The following RBFOX1 variants were observed in gnomAD, a reference collection of about 807,000 sequenced individuals.
RBFOX1 encodes the protein RNA binding fox-1 homolog 1, also known as RNA binding protein fox-1 homolog 1.
A neutral mutation model predicts 57.7 loss-of-function variants in RBFOX1; 8 were observed. The observed-to-expected ratio is 0.14, with a 90% CI of 0.08 to 0.25. The LOEUF (loss-of-function observed/expected upper bound fraction) is 0.25. Ranked by LOEUF, RBFOX1 falls within the 10% of genes least tolerant of loss-of-function variation. RBFOX1 has a pLI of 1.00. For synonymous variants in RBFOX1, 326 were observed against 222.4 expected, an observed-to-expected ratio of 1.47 and a Z score of -4.15; for missense variants, 611 against 548.5, an observed-to-expected ratio of 1.11 and a Z score of -1.14.
intron 4 of RBFOX1, among the ~76,000 whole-genome samples, chr16:7,186,885 C>T (rs1203118228): frequency 1.3e-5 from 2 of 148,274 alleles, no homozygotes; most frequent in African/African-American, 5.0e-5. Context: ...AGGCCAGGCA[C>T]AGTGGCTCAC....
At chr16:6,151,180 G>C (rs538603288) in intron 1 of RBFOX1, among the ~76,000 whole-genome samples, 5 of 152,308 alleles carry the variant, frequency 3.3e-5, no homozygotes, top group East Asian at 3.9e-4. Context: ...TAGAAGAGGA[G>C]GTGGACATCT....
chr16:7,027,237 G>A (rs954671502), intron 3 of RBFOX1, among the ~76,000 whole-genome samples: 4 of 152,074 alleles, frequency 2.6e-5, no homozygotes, highest in Admixed American at 1.3e-4. Context: ...ATAAATATTT[G>A]TTCAACTAAT....
chr16:6,269,677 A>G (rs1023014998), intron 1 of RBFOX1, among the ~76,000 whole-genome samples: 1 of 152,226 alleles, frequency 6.6e-6, no homozygotes, highest in Non-Finnish European at 1.5e-5. Flanking sequence ...AGACATTTTC[A>G]GATGAAGAAA....
chr16:5,623,896 G>A (rs948800800), intron 3 of RBFOX1, among the ~76,000 whole-genome samples: 4 of 152,136 alleles, frequency 2.6e-5, no homozygotes, highest in South Asian at 2.1e-4. Context: ...TAGAGCATAC[G>A]ATTCAGTGGT....
At chr16:6,892,829 T>TCTCTCTCTCTCTCTCTCTC (rs2065847556) in intron 3 of RBFOX1, among the ~76,000 whole-genome samples, 1 of 128,860 alleles carries the variant, frequency 7.8e-6, no homozygotes, top group African/African-American at 2.9e-5. Context: ...TCTCTCTCTA[T>TCTCTCTCTCTCTCTCTCTC]TCTGCTTCAG....
intron 4 of RBFOX1, among the ~76,000 whole-genome samples, chr16:7,146,367 AG>A (rs2074978944): frequency 2.0e-5 from 3 of 152,232 alleles, no homozygotes; most frequent in Non-Finnish European, 2.9e-5. Flanking sequence ...GCAAGGGCAG[AG>A]AAGAAATTGT....
chr16:6,096,567 C>T (rs930916577), intron 1 of RBFOX1, among the ~76,000 whole-genome samples: 2 of 152,124 alleles, frequency 1.3e-5, no homozygotes, highest in African/African-American at 4.8e-5. Context: ...CTATGATGGC[C>T]TTTGAGGAAA....
chr16:7,652,639 C>T (rs182264343), intron 11 of RBFOX1, among the ~76,000 whole-genome samples: 1 of 152,190 alleles, frequency 6.6e-6, no homozygotes, highest in Non-Finnish European at 1.5e-5. Context: ...AACTCCTGAC[C>T]TCATGATCCA....
chr16:7,108,234 C>T lies in RBFOX1; in HGVS notation c.27+56136C>T, dbSNP rs541922454. Among the ~76,000 whole-genome samples, 3 of 152,252 alleles carry T rather than the reference C, an allele frequency of 2.0e-5. No homozygotes were observed. In the South Asian group the frequency reaches 6.2e-4, roughly 32 times the overall value. On this transcript the variant is annotated intron_variant, in intron 4 of 15. Coordinates refer to ENST00000550418, the MANE Select transcript of RBFOX1 (RefSeq NM_018723.4). ...TGAGCATCAGCTCTGGAATCAGAAGCACTGGGGAGAAGGATTAATGGGGAA... is the reference window on the plus strand; with the variant it reads ...TGAGCATCAGCTCTGGAATCAGAAGTACTGGGGAGAAGGATTAATGGGGAA...
At position 6,888,904 on chromosome 16, in the gene RBFOX1, A is replaced by T. The variant is rs371136203; in HGVS notation, c.-15-163153A>T. Among the ~76,000 whole-genome samples, 7 of 152,238 alleles carry T rather than the reference A, an allele frequency of 4.6e-5. No homozygotes were observed. In the East Asian group the frequency reaches 9.7e-4, roughly 21 times the overall value. On this transcript the variant is annotated intron_variant, in intron 3 of 15. Transcript: ENST00000550418. ...AAAAAAGAATTATTTTAGCATCTGA[A>T]TTCATTCTCCTGCCAAGCAGATAGA...
intron 2 of RBFOX1, among the ~76,000 whole-genome samples, chr16:6,500,233 G>A (rs975672366): frequency 6.6e-6 from 1 of 151,984 alleles, no homozygotes; most frequent in Admixed American, 6.6e-5. Context: ...TTCCTAATTG[G>A]CAAAATACCT....
intron 1 of RBFOX1, among the ~76,000 whole-genome samples, chr16:6,119,534 C>G (rs947990803): frequency 6.6e-6 from 1 of 152,182 alleles, no homozygotes; most frequent in Non-Finnish European, 1.5e-5. Context: ...TTTCAATTTC[C>G]TCTCATGCCC....
At chr16:6,510,673 T>C (rs1017744182) in intron 2 of RBFOX1, among the ~76,000 whole-genome samples, 11 of 152,156 alleles carry the variant, frequency 7.2e-5, no homozygotes, top group Non-Finnish European at 1.3e-4. Context: ...ACACAGTTGG[T>C]TACTCTACTG....
chr16:5,506,153 T>C (rs2043370052), intron 2 of RBFOX1, among the ~76,000 whole-genome samples: 1 of 152,134 alleles, frequency 6.6e-6, no homozygotes, highest in African/African-American at 2.4e-5. Flanking sequence ...TTGAAATCAT[T>C]AATGTGCCTG....
chr16:7,228,286 C>T (rs1157275863), intron 4 of RBFOX1, among the ~76,000 whole-genome samples: 6 of 152,124 alleles, frequency 3.9e-5, no homozygotes, highest in African/African-American at 1.2e-4. Flanking sequence ...CTATATTCAT[C>T]CTCAAGGTAA....
At chr16:6,208,829 C>T (rs759325396) in intron 1 of RBFOX1, among the ~76,000 whole-genome samples, 15 of 152,132 alleles carry the variant, frequency 9.9e-5, no homozygotes, top group Admixed American at 6.5e-4. Flanking sequence ...CTTCTGTCTT[C>T]GCATGAGGTA....
At chr16:6,945,530 T>C (rs2079333496) in intron 3 of RBFOX1, among the ~76,000 whole-genome samples, 2 of 152,058 alleles carry the variant, frequency 1.3e-5, no homozygotes, top group African/African-American at 4.8e-5. Flanking sequence ...TACCTGACCA[T>C]GTAAAGCCAC....
chr16:7,242,393 G>A (rs1257283464), intron 4 of RBFOX1, among the ~76,000 whole-genome samples: 2 of 152,110 alleles, frequency 1.3e-5, no homozygotes, highest in Non-Finnish European at 2.9e-5. Flanking sequence ...TGTGAGCTTG[G>A]GCAAGAAACT....
At chr16:5,983,072 CAA>C (rs1384889955) in intron 4 of RBFOX1, among the ~76,000 whole-genome samples, 1 of 152,192 alleles carries the variant, frequency 6.6e-6, no homozygotes, top group Non-Finnish European at 1.5e-5. Flanking sequence ...AGCTCTGACT[CAA>C]GAGTGAGTGC....
Sources: gnomAD v4.1 joint callset for allele counts (sites outside exome capture counted in the v4.1 genomes callset) on GRCh38, gnomAD v4.1.1 for gene constraint, MANE v1.5 for transcripts, NCBI Gene and HGNC (gene_info 2026-07-23, HGNC 2026-07-21) for gene names.